Variants in CNOT6 observed in about 807,000 individuals in gnomAD.
CNOT6 encodes the protein CCR4-NOT transcription complex subunit 6.
In CNOT6, 12 loss-of-function variants were observed where a neutral mutation model predicts 61.2. That is an observed-to-expected ratio of 0.20 (90% CI 0.13 to 0.32). The LOEUF (loss-of-function observed/expected upper bound fraction) is 0.32. CNOT6 is among the 10% of genes least tolerant of loss of function. The probability of loss-of-function intolerance (pLI) is 1.00; values close to 1 mark genes in which losing one functional copy is unlikely to be tolerated. For synonymous variants in CNOT6, 225 were observed against 240.6 expected (o/e 0.94, Z 0.60); for missense variants, 405 against 663.9 (o/e 0.61, Z 4.28).
chr5:180,522,205 A>G (rs1337865740), intron 1 of CNOT6, among the ~76,000 whole-genome samples: 1 of 151,694 alleles, frequency 6.6e-6, no homozygotes, highest in Non-Finnish European at 1.5e-5. Flanking sequence ...GCTCACTGCA[A>G]ACTCCATGTC....
intron 1 of CNOT6, among the ~76,000 whole-genome samples, chr5:180,514,450 T>G (rs548754665): frequency 6.6e-6 from 1 of 152,314 alleles, no homozygotes; most frequent in South Asian, 2.1e-4. Context: ...AAGAGCTTGT[T>G]TTACTGAATT....
intron 1 of CNOT6, among the ~76,000 whole-genome samples, chr5:180,524,079 A>ATCAGGG (rs1425045357): frequency 4.6e-5 from 7 of 152,194 alleles, no homozygotes; most frequent in Non-Finnish European, 2.9e-5. Flanking sequence ...TTGTGCCAGG[A>ATCAGGG]TCAGTAGTGA....
At chr5:180,501,176 A>G (rs931671188) in intron 1 of CNOT6, among the ~76,000 whole-genome samples, 6 of 152,214 alleles carry the variant, frequency 3.9e-5, no homozygotes, top group Admixed American at 2.6e-4. Flanking sequence ...CAGGAGGCAC[A>G]TAATGAAAAT....
intron 1 of CNOT6, among the ~76,000 whole-genome samples, chr5:180,519,262 A>C (rs144063538): frequency 6.6e-6 from 1 of 152,340 alleles, no homozygotes; most frequent in African/African-American, 2.4e-5. Context: ...TGGTAGAGAA[A>C]GCTGTGTCAG....
intron 2 of CNOT6, among the ~76,000 whole-genome samples, chr5:180,538,250 A>G (rs1185730976): frequency 2.0e-5 from 3 of 151,720 alleles, no homozygotes; most frequent in Non-Finnish European, 2.9e-5. Flanking sequence ...TGTGTTAGCC[A>G]GGATGGTCTC....
chr5:180,558,000 A>AAAATCAGTTGAGCATATCTGTGTG (rs1355562206), intron 4 of CNOT6, among the ~76,000 whole-genome samples: 6 of 152,234 alleles, frequency 3.9e-5, no homozygotes, highest in Non-Finnish European at 8.8e-5. Context: ...ATCTTTGGCA[A>AAAATCAGTTGAGCATATCTGTGTG]AAATCAGTTG....
chr5:180,532,782 C>T (rs1172800192), intron 2 of CNOT6, among the ~76,000 whole-genome samples: 2 of 152,198 alleles, frequency 1.3e-5, no homozygotes, highest in Non-Finnish European at 2.9e-5. Context: ...ACGACCCCCT[C>T]TTTGGGTTCA....
At chr5:180,567,430 G>A (rs1476398528) in intron 8 of CNOT6, among the ~76,000 whole-genome samples, 188 bp downstream of exon 8, 2 of 152,154 alleles carry the variant, frequency 1.3e-5, no homozygotes, top group African/African-American at 2.4e-5. Flanking sequence ...TTGGAGACAT[G>A]CTTAAAGTAC....
At chr5:180,525,398 G>T (rs533760674) in intron 1 of CNOT6, among the ~76,000 whole-genome samples, 13 of 152,222 alleles carry the variant, frequency 8.5e-5, no homozygotes, top group Non-Finnish European at 7.4e-5. Flanking sequence ...GATTAGCCTG[G>T]TGTGGTGGCG....
chr5:180,561,687 C>T (rs1760196331), intron 4 of CNOT6, among the ~76,000 whole-genome samples: 1 of 152,192 alleles, frequency 6.6e-6, no homozygotes, highest in South Asian at 2.1e-4. Context: ...AGTTCAGGTT[C>T]CACTTGGCCT....
At chr5:180,510,131 A>C (rs1757318865) in intron 1 of CNOT6, among the ~76,000 whole-genome samples, 1 of 99,056 alleles carries the variant, frequency 1.0e-5, no homozygotes, top group Non-Finnish European at 2.0e-5. Flanking sequence ...ATCGTCTGTA[A>C]ACCTTTTTTT....
chr5:180,566,596 G>T (rs72814991), intron 7 of CNOT6, among the ~76,000 whole-genome samples: 2,853 of 149,810 alleles, frequency 0.019, 38 homozygotes, highest in Non-Finnish European at 0.027. Context: ...ATGACAAGTC[G>T]CTGTTCCAGT....
intron 1 of CNOT6, 149 bp downstream of exon 1, chr5:180,494,912 G>A (rs553318964): frequency 7.9e-5 from 12 of 152,038 alleles, no homozygotes; most frequent in African/African-American, 2.2e-4. Flanking sequence ...GGCTGTTGGG[G>A]GCCCCTTCGA....
chr5:180,550,151 A>AT, intron 3 of CNOT6, 34 bp downstream of exon 3: 1 of 1,567,524 alleles, frequency 6.4e-7, no homozygotes, highest in Non-Finnish European at 8.8e-7. Flanking sequence ...TACTAGCTAT[A>AT]TGACCCCTAA....
At chr5:180,573,458 G>A (rs1443725787) in intron 11 of CNOT6, among the ~76,000 whole-genome samples, 1 of 151,872 alleles carries the variant, frequency 6.6e-6, no homozygotes, top group Admixed American at 6.6e-5. Context: ...GAAGGTCTTT[G>A]GAAAGCAGTT....
At chr5:180,506,115 T>A (rs1757123947) in intron 1 of CNOT6, among the ~76,000 whole-genome samples, 1 of 152,132 alleles carries the variant, frequency 6.6e-6, no homozygotes, top group Admixed American at 6.6e-5. Flanking sequence ...AGCTTTGGAG[T>A]CAGATTGTCC....
intron 2 of CNOT6, among the ~76,000 whole-genome samples, chr5:180,541,358 C>T (rs1759025946): frequency 6.6e-6 from 1 of 150,664 alleles, no homozygotes. Flanking sequence ...AGGCTGGCCT[C>T]GAACTCCTGA....
chr5:180,536,073 G>T (rs560361507), intron 2 of CNOT6, among the ~76,000 whole-genome samples: 3 of 123,612 alleles, frequency 2.4e-5, no homozygotes, highest in Non-Finnish European at 4.7e-5. Flanking sequence ...TCGGCTCACT[G>T]CAAGCTCTGC....
At chr5:180,514,643 G>A (rs1406204903) in intron 1 of CNOT6, among the ~76,000 whole-genome samples, 2 of 152,310 alleles carry the variant, frequency 1.3e-5, no homozygotes, top group East Asian at 3.9e-4. Context: ...TGAGTGCATG[G>A]TTTTGAGGTT....
Sources: gnomAD v4.1 joint callset for allele counts (sites outside exome capture counted in the v4.1 genomes callset) on GRCh38, gnomAD v4.1.1 for gene constraint, MANE v1.5 for transcripts, NCBI Gene and HGNC (gene_info 2026-07-23, HGNC 2026-07-21) for gene names.